Variants in ALK observed in about 807,000 individuals in gnomAD.
The protein encoded by ALK is ALK receptor tyrosine kinase, also known as ALK tyrosine kinase receptor.
ALK carries 74 observed loss-of-function variants against 163.1 expected under a neutral mutation model. That is an observed-to-expected ratio of 0.45 (90% CI 0.38 to 0.55). ALK has a LOEUF of 0.55. Among genes scored for constraint, ALK ranks in the 20% least tolerant of loss-of-function variants. The pLI is 0.00. For synonymous variants in ALK, 960 were observed against 843.2 expected, an observed-to-expected ratio of 1.14 and a Z score of -2.40; for missense variants, 2,063 against 2,105.3, an observed-to-expected ratio of 0.98 and a Z score of 0.39.
chr2:29,845,351 G>T (rs1290253091), intron 1 of ALK, among the ~76,000 whole-genome samples: 2 of 152,164 alleles, frequency 1.3e-5, no homozygotes, highest in Non-Finnish European at 2.9e-5. Context: ...AATAAATAAG[G>T]TTTCACGGTT....
intron 1 of ALK, among the ~76,000 whole-genome samples, chr2:29,775,023 A>G (rs896307436): frequency 3.9e-5 from 6 of 152,232 alleles, no homozygotes; most frequent in African/African-American, 1.4e-4. Flanking sequence ...AAGCAGACAA[A>G]TAGGGCCTAA....
At chr2:29,673,683 A>G (rs1349993563) in intron 3 of ALK, among the ~76,000 whole-genome samples, 2 of 151,190 alleles carry the variant, frequency 1.3e-5, no homozygotes, top group African/African-American at 4.9e-5. Context: ...TTCCATATGA[A>G]CTTTAAAGTA....
chr2:29,297,183 T>C, intron 8 of ALK, 126 bp from the exon 9 acceptor site: 2 of 1,032,028 alleles, frequency 1.9e-6, no homozygotes, highest in Non-Finnish European at 2.9e-6. Context: ...TGAGAAGAGC[T>C]GGATGCCCAC....
At chr2:29,775,085 C>T (rs1328290204) in intron 1 of ALK, among the ~76,000 whole-genome samples, 2 of 151,966 alleles carry the variant, frequency 1.3e-5, no homozygotes, top group Non-Finnish European at 2.9e-5. Context: ...AGAATAAGAC[C>T]AAATAAAAAG....
At chr2:29,855,541 G>A in intron 1 of ALK, among the ~76,000 whole-genome samples, 1 of 150,632 alleles carries the variant, frequency 6.6e-6, no homozygotes, top group Admixed American at 6.6e-5. Flanking sequence ...TTAATTAATT[G>A]GTCAACATTC....
intron 1 of ALK, among the ~76,000 whole-genome samples, chr2:29,887,221 T>C (rs539023167): frequency 4.6e-5 from 7 of 152,338 alleles, no homozygotes; most frequent in African/African-American, 1.2e-4. Flanking sequence ...CTGGAGTCAC[T>C]TGTTGGTATT....
chr2:29,767,240 A>C (rs1680889614), intron 1 of ALK, among the ~76,000 whole-genome samples: 1 of 152,234 alleles, frequency 6.6e-6, no homozygotes, highest in Non-Finnish European at 1.5e-5. Flanking sequence ...TACTTGATCA[A>C]GGTCACACAA....
In ALK at chr2:29,299,542, T is replaced by C. The variant is rs758601559; in HGVS notation, c.1648-2485A>G. Among the ~76,000 whole-genome samples, 6 of 152,216 alleles carry C rather than the reference T, an allele frequency of 3.9e-5. No homozygotes were observed. The East Asian group carries it at 9.6e-4, about 24-fold the overall frequency. On this transcript the variant is annotated intron_variant, in intron 8 of 28. Transcript: ENST00000389048. ...AAGCTCAGTTTCCTATTCTCTAAGA[T>C]GAGAATAGTTTTATCTCTTATAGGG...
chr2:29,609,821 T>C (rs1675641317), intron 3 of ALK, among the ~76,000 whole-genome samples: 1 of 152,058 alleles, frequency 6.6e-6, no homozygotes, highest in Non-Finnish European at 1.5e-5. Flanking sequence ...TTTTAATCTT[T>C]TGTAGGGATG....
chr2:29,318,471 T>A, intron 7 of ALK, 67 bp from the exon 8 acceptor site: 1 of 1,102,280 alleles, frequency 9.1e-7, no homozygotes, highest in Non-Finnish European at 1.4e-6. Flanking sequence ...GGTGCAGGGT[T>A]AATGGACTGT....
At chr2:29,426,525 A>G (rs1670138753) in intron 4 of ALK, among the ~76,000 whole-genome samples, 1 of 152,188 alleles carries the variant, frequency 6.6e-6, no homozygotes, top group East Asian at 1.9e-4. Flanking sequence ...GCTGAAAGAA[A>G]AACTCTGTCA....
chr2:29,899,489 C>A (rs1159771055), intron 1 of ALK: 1 of 152,208 alleles, frequency 6.6e-6, no homozygotes, highest in Non-Finnish European at 1.5e-5. Flanking sequence ...GCTGAATTAA[C>A]CTACCCTGGA....
intron 3 of ALK, among the ~76,000 whole-genome samples, chr2:29,683,442 G>A (rs564974241): frequency 6.6e-6 from 1 of 151,988 alleles, no homozygotes; most frequent in Admixed American, 6.6e-5. Context: ...CACCAGTAAG[G>A]ATCCCAAAGC....
intron 1 of ALK, among the ~76,000 whole-genome samples, chr2:29,832,702 A>C (rs971547871): frequency 1.3e-4 from 20 of 152,118 alleles, no homozygotes; most frequent in African/African-American, 4.1e-4. Flanking sequence ...TCATCCATCC[A>C]CCCATTTATC....
At chr2:29,624,417 T>C (rs953414697) in intron 3 of ALK, among the ~76,000 whole-genome samples, 3 of 152,166 alleles carry the variant, frequency 2.0e-5, no homozygotes, top group African/African-American at 4.8e-5. Context: ...AAACCCTCTA[T>C]GGGAAATGAG....
chr2:29,716,759 C>T (rs1187831892), intron 2 of ALK, among the ~76,000 whole-genome samples: 1 of 151,962 alleles, frequency 6.6e-6, no homozygotes, highest in Non-Finnish European at 1.5e-5. Context: ...AAAATAATAT[C>T]AAAGAACATG....
intron 1 of ALK, among the ~76,000 whole-genome samples, chr2:29,749,894 G>T (rs186955413): frequency 6.6e-6 from 1 of 152,296 alleles, no homozygotes; most frequent in Non-Finnish European, 1.5e-5. Context: ...TGGACCTATG[G>T]TAATCAGAAG....
intron 3 of ALK, among the ~76,000 whole-genome samples, chr2:29,586,171 C>A (rs1674881753): frequency 6.6e-6 from 1 of 151,166 alleles, no homozygotes. Flanking sequence ...TTTTATTAAT[C>A]TTTTTTAAGT....
intron 3 of ALK, among the ~76,000 whole-genome samples, chr2:29,686,660 C>T (rs2246045): frequency 0.63 from 96,430 of 152,020 alleles, 33,962 homozygotes; most frequent in Non-Finnish European, 0.78. Flanking sequence ...CTCCACATGC[C>T]TATCTCCCTA....
Sources: gnomAD v4.1 joint callset for allele counts (sites outside exome capture counted in the v4.1 genomes callset) on GRCh38, gnomAD v4.1.1 for gene constraint, MANE v1.5 for transcripts, NCBI Gene and HGNC (gene_info 2026-07-23, HGNC 2026-07-21) for gene names.